The following FGFR4 variants were observed in gnomAD, a reference collection of about 807,000 sequenced individuals.
FGFR4 encodes the protein fibroblast growth factor receptor 4, also known as hydroxyaryl-protein kinase.
A neutral mutation model predicts 89.9 loss-of-function variants in FGFR4; 63 were observed. The observed-to-expected ratio is 0.70, with a 90% CI of 0.57 to 0.86. The LOEUF is 0.86. Among genes scored for constraint, FGFR4 ranks in the 40% least tolerant of loss-of-function variants. FGFR4 has a pLI of 0.00. For synonymous variants in FGFR4, 486 were observed against 479.4 expected (o/e 1.01, Z -0.18); for missense variants, 928 against 1,106.7 (o/e 0.84, Z 2.29).
Position 177,095,528 on chromosome 5 carries a change from T to C in FGFR4, c.1631-5T>C, listed in dbSNP as rs1784520318. On this transcript the variant is annotated splice_polypyrimidine_tract_variant and splice_region_variant and intron_variant, in intron 12 of 17. Transcript: ENST00000292408. This position sits in a 1 kb window ranked among gnomAD's most constrained non-coding sequence, Gnocchi z 5.7. ...CTCTCCACGCTCCCTCCACTCCCTC[T>C]GCAGGGCCCCTGTACGTGATCGTGG... is the stretch of plus-strand genomic sequence containing the variant. The C allele has an allele frequency of 6.2e-7, 1 of 1,611,746 alleles. No homozygotes were observed. Among genetic ancestry groups the C allele is most frequent in the Admixed American group, 1.7e-5 (1 of 59,790 alleles).
rs760273441 is a variant in FGFR4 at position 177,093,564 on chromosome 5, G to T, written c.1397+13G>T. The T allele has an allele frequency of 1.2e-6, 2 of 1,612,794 alleles. No individual in the cohort carries two copies. Among genetic ancestry groups the T allele is most frequent in the East Asian group, 2.2e-5 (1 of 44,848 alleles). The stretch of plus-strand genomic sequence containing the variant: ...TCCCCCGGGACAGGTGCGCTGAGCT[G>T]TGTGGGGGCAGGGACGCGGGCGCCG... On this transcript the variant is annotated intron_variant, in intron 10 of 17. Coordinates refer to ENST00000292408, the MANE Select transcript of FGFR4 (RefSeq NM_213647.3). The surrounding 1 kb of genome is among the most constrained non-coding windows in gnomAD (Gnocchi z 5.8).
In FGFR4 at chr5:177,093,229, C is replaced by A. The variant is rs2149735216; in HGVS notation, c.1149C>A (p.Leu383=). 6.2e-7 allele frequency: 1 copy of A among 1,612,632 alleles called. No homozygotes were observed. Among genetic ancestry groups the A allele is most frequent in the Non-Finnish European group, 8.5e-7 (1 of 1,179,006 alleles). ...YASGSLALAV[L]LLLAGLYRGQ... ...CGGGCTCCCTGGCCTTGGCTGTGCT[C>A]CTGCTGCTGGCCGGGCTGTATCGAG... Residue 383 remains leucine, a synonymous_variant, in exon 9 of 18, where the codon CTC becomes CTA. Transcript: ENST00000292408. This position sits in a 1 kb window ranked among gnomAD's most constrained non-coding sequence, Gnocchi z 5.8.
Position 177,097,246 on chromosome 5 carries a change from C to T in FGFR4, c.2154-46C>T, listed in dbSNP as rs370083363. Reference sequence around the variant, plus strand: ...AGAACCCCCGGTCCTCCCCTTCCTCCTGAAGGCCTGAGGCTCCCTGTGACC... The same window carrying T: ...AGAACCCCCGGTCCTCCCCTTCCTCTTGAAGGCCTGAGGCTCCCTGTGACC... On this transcript the variant is annotated intron_variant, in intron 16 of 17. Transcript: ENST00000292408. The T allele has an allele frequency of 1.1e-5, 16 of 1,496,834 alleles. No individual in the cohort carries two copies. The African/African-American group carries it at 2.2e-4, about 21-fold the overall frequency. 92.7% of individuals were successfully genotyped at this position (1,496,834 alleles called of 1,614,324 possible). A position where few individuals can be genotyped will look rare whatever the true frequency, so the allele number is the denominator to read the frequency against.
chr5:177,089,702 T>C lies in FGFR4; in HGVS notation c.91+9T>C. On this transcript the variant is annotated intron_variant, in intron 2 of 17. Coordinates refer to ENST00000292408, the MANE Select transcript of FGFR4 (RefSeq NM_213647.3). ...TGAGGAAGTGGAGCTTGGTATGGCT[T>C]CTGAGGTGGGAGAGGGTGGCAGGGG... 1 of 1,613,068 alleles carries C rather than the reference T, an allele frequency of 6.2e-7. No homozygotes were observed. Among genetic ancestry groups the C allele is most frequent in the Non-Finnish European group, 8.5e-7 (1 of 1,179,598 alleles).
At position 177,092,301 on chromosome 5, in the gene FGFR4, C is replaced by G. The variant is rs2149733470; in HGVS notation, c.728-20C>G. On this transcript the variant is annotated intron_variant, in intron 6 of 17. Coordinates refer to ENST00000292408, the MANE Select transcript of FGFR4 (RefSeq NM_213647.3). Reference sequence around the variant, plus strand: ...TATGGGTGCCGGTGGTCAGGGTTGACTGTCTCGCCCGGTCCCCAGAGCGGT... The same window carrying G: ...TATGGGTGCCGGTGGTCAGGGTTGAGTGTCTCGCCCGGTCCCCAGAGCGGT... 1 of 1,534,440 alleles carries G rather than the reference C, an allele frequency of 6.5e-7. No individual in the cohort carries two copies. Among genetic ancestry groups the G allele is most frequent in the Non-Finnish European group, 8.8e-7 (1 of 1,137,228 alleles).
chr5:177,088,039 A>C (rs1284964576), intron 1 of FGFR4, among the ~76,000 whole-genome samples: 1 of 151,364 alleles, frequency 6.6e-6, no homozygotes, highest in Non-Finnish European at 1.5e-5. Context: ...TTGTTTTTTT[A>C]TTTTATTTTA....
Position 177,093,312 on chromosome 5 carries a change from G to T in FGFR4, c.1232G>T (p.Arg411Leu), listed in dbSNP as rs371352765. The change falls in exon 9 of 18, where the codon CGC (arginine) becomes CTC (leucine). Residue 411 changes from arginine to leucine, a missense_variant. Coordinates refer to ENST00000292408, the MANE Select transcript of FGFR4 (RefSeq NM_213647.3). This position sits in a 1 kb window ranked among gnomAD's most constrained non-coding sequence, Gnocchi z 5.8. The stretch of plus-strand genomic sequence containing the variant: ...CCCGCCACTGTGCAGAAGCTCTCCC[G>T]CTTCCCTCTGGCCCGACAGGTACTG... ...RPPATVQKLS[R>L]FPLARQFSLE... 7.5e-6 allele frequency: 5 copies of T among 662,678 alleles called. No individual in the cohort carries two copies. The highest frequency in any genetic ancestry group is 1.9e-5 in the African/African-American group (1 of 52,906). The allele number at this position is 662,678 out of a possible 1,614,324, so 41.0% of individuals were successfully genotyped here.
In FGFR4 at chr5:177,097,548, T is replaced by G; in HGVS notation, c.2281T>G (p.Phe761Val). 1 of 1,613,742 alleles carries G rather than the reference T, an allele frequency of 6.2e-7. No homozygotes were observed. The highest frequency in any genetic ancestry group is 8.5e-7 in the Non-Finnish European group (1 of 1,179,902). ...ACAGTACCTCGACCTCCGCCTGACC[T>G]TCGGACCCTATTCCCCCTCTGGTGG... is the stretch of plus-strand genomic sequence containing the variant. The part of the protein sequence containing the change: ...SEEYLDLRLT[F>V]GPYSPSGGDA... The change falls in exon 18 of 18, where the codon TTC becomes GTC. Residue 761 changes from phenylalanine to valine, a missense_variant. Phe to Val is a conservative substitution (Grantham distance 50). Coordinates refer to ENST00000292408, the MANE Select transcript of FGFR4 (RefSeq NM_213647.3).
At chr5:177,096,809 CAG>C (rs1330179528) in intron 16 of FGFR4, 68 bp downstream of exon 16, 2 of 1,535,534 alleles carry the variant, frequency 1.3e-6, no homozygotes, top group African/African-American at 1.4e-5. Flanking sequence ...ACCATGGCCT[CAG>C]GGTGTGTCCC....
intron 2 of FGFR4, 155 bp downstream of exon 2, chr5:177,089,848 T>C (rs1562065384): frequency 2.1e-6 from 2 of 948,272 alleles, no homozygotes; most frequent in South Asian, 1.4e-5. Flanking sequence ...AGTCAGTGCC[T>C]GGCTTCCAGC....
At position 177,096,373 on chromosome 5, in the gene FGFR4, G is replaced by A. The variant is rs191173101; in HGVS notation, c.2015+16G>A. Reference sequence around the variant, plus strand: ...AGAGTGACGTGTGAGTCCTGCCGGCGGTCACTGTCCTACCCCACAAAAAGG... The same window carrying A: ...AGAGTGACGTGTGAGTCCTGCCGGCAGTCACTGTCCTACCCCACAAAAAGG... On this transcript the variant is annotated intron_variant, in intron 15 of 17. Coordinates refer to ENST00000292408, the MANE Select transcript of FGFR4 (RefSeq NM_213647.3). The A allele has an allele frequency of 1.7e-5, 28 of 1,613,756 alleles. No individual in the cohort carries two copies. Among genetic ancestry groups the A allele is most frequent in the South Asian group, 1.1e-4 (10 of 91,074 alleles).
At chr5:177,091,876 G>A (rs1784380557) in intron 6 of FGFR4, 68 bp downstream of exon 6, 1 of 1,590,854 alleles carries the variant, frequency 6.3e-7, no homozygotes, top group African/African-American at 1.3e-5. Flanking sequence ...TCTTGGTGGG[G>A]TCTAGTCTGG....
In FGFR4 at chr5:177,095,748, C is replaced by T. The variant is rs1399975009; in HGVS notation, c.1821+25C>T. 1.9e-6 allele frequency: 3 copies of T among 1,548,966 alleles called. No homozygotes were observed. Among genetic ancestry groups the T allele is most frequent in the Admixed American group, 2.0e-5 (1 of 48,964 alleles). On this transcript the variant is annotated intron_variant, in intron 13 of 17. Coordinates refer to ENST00000292408, the MANE Select transcript of FGFR4 (RefSeq NM_213647.3). The surrounding 1 kb of genome is among the most constrained non-coding windows in gnomAD (Gnocchi z 5.7). ...GGTACAGGCGCTAGGGCTCTGAGCC[C>T]CTCTCAGTCTCTCCAGCTCCACTCT...
In FGFR4 at chr5:177,096,048, T is replaced by C. The variant is rs765195748; in HGVS notation, c.1822-9T>C. ...TGTCCTGAGGCACCCAAGCCCCCGC[T>C]CCCTGCAGTGTATCCACCGGGACCT... On this transcript the variant is annotated splice_polypyrimidine_tract_variant and intron_variant, in intron 13 of 17. Coordinates refer to ENST00000292408, the MANE Select transcript of FGFR4 (RefSeq NM_213647.3). The C allele has an allele frequency of 4.3e-6, 7 of 1,612,790 alleles. No individual in the cohort carries two copies. In the East Asian group the frequency reaches 1.6e-4, roughly 36 times the overall value.
In FGFR4 at chr5:177,090,609, G is replaced by T. The variant is rs1210567917; in HGVS notation, c.311G>T (p.Arg104Leu). The T allele has an allele frequency of 1.3e-6, 2 of 1,522,550 alleles. No homozygotes were observed. Among genetic ancestry groups the T allele is most frequent in the South Asian group, 2.6e-5 (2 of 75,508 alleles). The allele number at this position is 1,522,550 out of a possible 1,614,324, so 94.3% of individuals were successfully genotyped here. A position where few individuals can be genotyped will look rare whatever the true frequency, so the allele number is the denominator to read the frequency against. The part of the protein sequence containing the change: ...EDAGRYLCLA[R>L]GSMIVLQNLT... ...GCTGGCCGCTACCTCTGCCTGGCAC[G>T]AGGCTCCATGATCGTCCTGCAGAAT... Residue 104 changes from arginine (R) to leucine (L), a missense_variant, in exon 3 of 18, where the codon CGA (arginine) becomes CTA (leucine). Around this residue, in one of 5 missense-constraint regions of FGFR4, gnomAD observed 741 missense variants for 836.9 expected, o/e 0.89. Coordinates refer to ENST00000292408, the MANE Select transcript of FGFR4 (RefSeq NM_213647.3).
At chr5:177,097,264 C>T (rs1476648953) in intron 16 of FGFR4, 28 bp from the exon 17 acceptor site, 2 of 1,556,528 alleles carry the variant, frequency 1.3e-6, no homozygotes, top group South Asian at 1.2e-5. Context: ...CTGAGGCTCC[C>T]TGTGACCCTC....
Position 177,091,773 on chromosome 5 carries a change from G to T in FGFR4, c.692G>T (p.Gly231Val). The T allele has an allele frequency of 6.2e-7, 1 of 1,614,204 alleles. No homozygotes were observed. Among genetic ancestry groups the T allele is most frequent in the Non-Finnish European group, 8.5e-7 (1 of 1,180,020 alleles). ...TYTCLVENAVGSIRYNYLLDV... is the reference protein window; with the variant it reads ...TYTCLVENAVVSIRYNYLLDV... ...ACCTGCCTGGTAGAGAACGCTGTGGGCAGCATCCGCTATAACTACCTGCTA... is the reference window on the plus strand; with the variant it reads ...ACCTGCCTGGTAGAGAACGCTGTGGTCAGCATCCGCTATAACTACCTGCTA... Residue 231 changes from glycine (G) to valine (V), a missense_variant, in exon 6 of 18, where the codon GGC becomes GTC. Coordinates refer to ENST00000292408, the MANE Select transcript of FGFR4 (RefSeq NM_213647.3).
At position 177,097,635 on chromosome 5, in the gene FGFR4, G is replaced by A. The variant is rs773279466; in HGVS notation, c.2368G>A (p.Gly790Arg). The A allele has an allele frequency of 9.7e-5, 156 of 1,614,070 alleles. No individual in the cohort carries two copies. The highest frequency in any genetic ancestry group is 1.3e-4 in the Non-Finnish European group (149 of 1,180,034). Residue 790 changes from glycine (G) to arginine (R), a missense_variant, in exon 18 of 18, where the codon GGA becomes AGA. Around this residue, in one of 5 missense-constraint regions of FGFR4, gnomAD observed 129 missense variants for 150.8 expected, o/e 0.86. Transcript: ENST00000292408. Reference sequence around the variant, plus strand: ...CTTCAGCCACGACCCCCTGCCATTGGGATCCAGCTCCTTCCCCTTCGGGTC... The same window carrying A: ...CTTCAGCCACGACCCCCTGCCATTGAGATCCAGCTCCTTCCCCTTCGGGTC... ...SVFSHDPLPL[G>R]SSSFPFGSGV...
In FGFR4 at chr5:177,092,271, G is replaced by T. The variant is rs201112947; in HGVS notation, c.728-50G>T. 1.0e-5 allele frequency: 15 copies of T among 1,495,386 alleles called. No individual in the cohort carries two copies. The East Asian group carries it at 3.2e-4, about 32-fold the overall frequency. 92.6% of individuals were successfully genotyped at this position (1,495,386 alleles called of 1,614,324 possible). A position where few individuals can be genotyped will look rare whatever the true frequency, so the allele number is the denominator to read the frequency against. On this transcript the variant is annotated intron_variant, in intron 6 of 17. Transcript: ENST00000292408. The stretch of plus-strand genomic sequence containing the variant: ...AAGGCTGGAGGGAGGCAAACAGGGT[G>T]CTTCTATGGGTGCCGGTGGTCAGGG...
Sources: gnomAD v4.1 joint callset for allele counts (sites outside exome capture counted in the v4.1 genomes callset) on GRCh38, gnomAD v4.1.1 for gene constraint, gnomAD v4.1.1 regional missense constraint, Gnocchi (gnomAD v3.1) non-coding constraint, MANE v1.5 for transcripts, NCBI Gene and HGNC (gene_info 2026-07-23, HGNC 2026-07-21) for gene names.